Variants in SNED1 observed in about 807,000 individuals in gnomAD.
SNED1 encodes sushi, nidogen and EGF-like domain-containing protein 1.
In SNED1, 81 loss-of-function variants were observed where a neutral mutation model predicts 166.7. That is an observed-to-expected ratio of 0.49 (90% CI 0.41 to 0.58). SNED1 has a LOEUF of 0.58. SNED1 is among the 20% of genes least tolerant of loss of function. SNED1 has a pLI of 0.00. For missense variants in SNED1, 1,604 were observed against 2,000.2 expected, an observed-to-expected ratio of 0.80 and a Z score of 3.78; for synonymous variants, 762 against 822.0, an observed-to-expected ratio of 0.93 and a Z score of 1.25.
rs371946606 is a variant in SNED1, at chr2:241,030,315, A to G, written c.245A>G (p.Lys82Arg). Residue 82 changes from lysine to arginine, a missense_variant, in exon 2 of 32, where the codon AAG becomes AGG. Around this residue, in one of 2 missense-constraint regions of SNED1, gnomAD observed 1,237 missense variants for 1,620.8 expected, o/e 0.76. Transcript: ENST00000310397. ...VNNNGIISFL[K>R]EVSQFTPVAF... ...AACAACGGGATCATCTCCTTCCTGA[A>G]GGAGGTTTCTCAGTTCACCCCAGTG... 3.9e-5 allele frequency: 63 copies of G among 1,600,164 alleles called. No homozygotes were observed. The highest frequency in any genetic ancestry group is 5.2e-5 in the Non-Finnish European group (61 of 1,172,148).
chr2:241,087,209 A>G, intron 29 of SNED1, 183 bp from the exon 30 acceptor site: 2 of 585,226 alleles, frequency 3.4e-6, no homozygotes, highest in South Asian at 4.9e-5. Flanking sequence ...AATTTATTAC[A>G]AATCACATGA....
At position 241,046,886 on chromosome 2, in the gene SNED1, T is replaced by C. The variant is rs1370907033; in HGVS notation, c.1274-1429T>C. On this transcript the variant is annotated intron_variant, in intron 8 of 31. Transcript: ENST00000310397. ...AGTAGCTGGCGTGGTGGCTCACCCC[T>C]GTAATCCCAGCACTTTGGGAGGCCA... Among the ~76,000 whole-genome samples the C allele has an allele frequency of 2.6e-5, 4 of 152,202 alleles. No homozygotes were observed. The East Asian group carries it at 7.7e-4, about 29-fold the overall frequency.
chr2:241,039,178 G>A (rs913058270), intron 6 of SNED1, among the ~76,000 whole-genome samples: 13 of 152,248 alleles, frequency 8.5e-5, no homozygotes, highest in East Asian at 1.9e-4. Context: ...AGGGGCGCCC[G>A]CAACTAAAGG....
intron 27 of SNED1, among the ~76,000 whole-genome samples, chr2:241,081,049 G>A (rs1032151653): frequency 2.0e-5 from 3 of 152,248 alleles, no homozygotes; most frequent in African/African-American, 7.2e-5. Context: ...CAGGCTGCCA[G>A]CACTGGACCA....
At chr2:241,006,049 G>A (rs2060213162) in intron 1 of SNED1, among the ~76,000 whole-genome samples, 1 of 151,966 alleles carries the variant, frequency 6.6e-6, no homozygotes, top group Non-Finnish European at 1.5e-5. Context: ...TATTGTCCTA[G>A]AGCTCATTGA....
chr2:241,053,094 C>T lies in SNED1; in HGVS notation c.2084-59C>T, dbSNP rs899817989. 76 of 1,513,314 alleles carry T rather than the reference C, an allele frequency of 5.0e-5. 1 individual carries two copies. The highest frequency in any genetic ancestry group is 4.6e-5 in the Non-Finnish European group (51 of 1,115,592). The allele number at this position is 1,513,314 out of a possible 1,614,324, so 93.7% of individuals were successfully genotyped here. A position where few individuals can be genotyped will look rare whatever the true frequency, so the allele number is the denominator to read the frequency against. On this transcript the variant is annotated intron_variant, in intron 15 of 31. Transcript: ENST00000310397. ...GCAGTCGGGTCGGGCAGAGGCAGGG[C>T]GGTGGGGAGGGGCCAGGAAGGCACA...
intron 17 of SNED1, 132 bp downstream of exon 17, chr2:241,063,036 C>G: frequency 1.6e-6 from 1 of 610,702 alleles, no homozygotes; most frequent in Non-Finnish European, 2.9e-6. Context: ...CGGGCCCCTG[C>G]CAGCTCTGAC....
intron 1 of SNED1, among the ~76,000 whole-genome samples, chr2:241,007,893 C>G (rs941931933): frequency 6.6e-6 from 1 of 152,230 alleles, no homozygotes; most frequent in Non-Finnish European, 1.5e-5. Flanking sequence ...CTGTCCTACA[C>G]GGGCCTTCGT....
chr2:241,046,424 A>G (rs2061648868), intron 8 of SNED1, among the ~76,000 whole-genome samples: 1 of 152,252 alleles, frequency 6.6e-6, no homozygotes, highest in Non-Finnish European at 1.5e-5. Flanking sequence ...GGGTGAATGG[A>G]TAGACAAATT....
rs2062973806 is a variant in SNED1, at chr2:241,075,432, C to T, written c.3916+2068C>T. On this transcript the variant is annotated intron_variant, in intron 27 of 31. Coordinates refer to ENST00000310397, the MANE Select transcript of SNED1 (RefSeq NM_001080437.3). The surrounding 1 kb of genome is among the most constrained non-coding windows in gnomAD (Gnocchi z 4.8). ...AGGCAGAACGGGTGGGATGCACACC[C>T]CTGGGATCTGGGTTTGCATCTCCTG... The T allele has an allele frequency of 1.3e-5, 2 of 152,182 alleles. No homozygotes were observed. The highest frequency in any genetic ancestry group is 1.3e-4 in the Admixed American group (2 of 15,272). 9.4% of individuals were successfully genotyped at this position (152,182 alleles called of 1,614,324 possible).
chr2:241,062,955 T>G, intron 17 of SNED1, 51 bp downstream of exon 17: 2 of 1,210,206 alleles, frequency 1.7e-6, no homozygotes, highest in African/African-American at 1.5e-5. Flanking sequence ...ACACTGGCCA[T>G]GTGCCTGAGG....
chr2:241,063,304 AG>A, intron 17 of SNED1: 1 of 515,772 alleles, frequency 1.9e-6, no homozygotes, highest in Non-Finnish European at 3.5e-6. Context: ...GGCAAGGCCC[AG>A]GGAGCCGTGC....
At chr2:241,071,552 C>T in intron 24 of SNED1, 24 bp from the exon 25 acceptor site, 1 of 1,570,532 alleles carries the variant, frequency 6.4e-7, no homozygotes, top group Non-Finnish European at 8.6e-7. Context: ...CCAGACCAGC[C>T]CCTTCCTCCT....
At chr2:241,014,812 C>G (rs1291032973) in intron 1 of SNED1, among the ~76,000 whole-genome samples, 2 of 152,150 alleles carry the variant, frequency 1.3e-5, no homozygotes, top group Non-Finnish European at 2.9e-5. Context: ...ACACGCAGGT[C>G]TCTAATACAC....
In SNED1 at chr2:241,072,190, T is replaced by C. The variant is rs947203424; in HGVS notation, c.3817+312T>C. 3 of 604,478 alleles carry C rather than the reference T, an allele frequency of 5.0e-6. No homozygotes were observed. In the African/African-American group the frequency reaches 5.5e-5, roughly 11 times the overall value. The allele number at this position is 604,478 out of a possible 1,614,324, so 37.4% of individuals were successfully genotyped here. A position where few individuals can be genotyped will look rare whatever the true frequency, so the allele number is the denominator to read the frequency against. On this transcript the variant is annotated intron_variant, in intron 26 of 31. Transcript: ENST00000310397. ...GTCTGAGACATTACAGCAGCTTTAT[T>C]TGCCAAAGTAGGGCTCTGAGCTTTG...
At chr2:241,029,521 C>G (rs1414759524) in intron 1 of SNED1, among the ~76,000 whole-genome samples, 1 of 152,202 alleles carries the variant, frequency 6.6e-6, no homozygotes, top group Non-Finnish European at 1.5e-5. Context: ...TGTGGGAGTT[C>G]GGATCTCAAC....
intron 1 of SNED1, among the ~76,000 whole-genome samples, chr2:241,029,499 T>C (rs1238289161): frequency 2.0e-5 from 3 of 152,240 alleles, no homozygotes; most frequent in Non-Finnish European, 4.4e-5. Flanking sequence ...CCCCACCTGC[T>C]AACACTATCT....
Position 241,073,325 on chromosome 2 carries a change from G to A in SNED1, c.3877G>A (p.Ala1293Thr). The stretch of plus-strand genomic sequence containing the variant: ...GGAAGCCCCCAAGCGGGTCAGCCTG[G>A]CCCTCCAGCTCCCTGAACACGGCAG... ...MEEAPKRVSLALQLPEHGSKD... is the reference protein window; with the variant it reads ...MEEAPKRVSLTLQLPEHGSKD... The change falls in exon 27 of 32, where the codon GCC becomes ACC. Residue 1293 changes from alanine to threonine, a missense_variant. Coordinates refer to ENST00000310397, the MANE Select transcript of SNED1 (RefSeq NM_001080437.3). The surrounding 1 kb of genome is among the most constrained non-coding windows in gnomAD (Gnocchi z 6.6). 6.4e-7 allele frequency: 1 copy of A among 1,574,464 alleles called. No individual in the cohort carries two copies. The highest frequency in any genetic ancestry group is 8.6e-7 in the Non-Finnish European group (1 of 1,161,212).
chr2:241,025,002 T>A (rs2060911074), intron 1 of SNED1, among the ~76,000 whole-genome samples: 1 of 152,164 alleles, frequency 6.6e-6, no homozygotes, highest in Non-Finnish European at 1.5e-5. Flanking sequence ...CCTCTATCAG[T>A]ATAGAATATG....
Sources: allele counts gnomAD v4.1 joint callset (sites outside exome capture counted in the v4.1 genomes callset), GRCh38; gene constraint gnomAD v4.1.1; regional missense constraint gnomAD v4.1.1; non-coding constraint Gnocchi (gnomAD v3.1); transcripts MANE v1.5; gene names NCBI Gene and HGNC (gene_info 2026-07-23, HGNC 2026-07-21).